DCAF10: variants seen among roughly 807,000 people sequenced by gnomAD.
DCAF10 encodes DDB1 and CUL4 associated factor 10.
Under a neutral mutation model 51.9 loss-of-function variants are expected in DCAF10, and 19 were observed. That is an observed-to-expected ratio of 0.37 (90% CI 0.26 to 0.54). DCAF10 has a LOEUF of 0.54. Among genes scored for constraint, DCAF10 ranks in the 20% least tolerant of loss-of-function variants. The pLI is 0.87. For synonymous variants in DCAF10, 291 were observed against 297.1 expected (o/e 0.98, Z 0.21); for missense variants, 510 against 730.6 (o/e 0.70, Z 3.48).
At chr9:37,822,808 T>A (rs1195865166) in intron 2 of DCAF10, among the ~76,000 whole-genome samples, 3 of 151,392 alleles carry the variant, frequency 2.0e-5, no homozygotes, top group African/African-American at 7.3e-5. Flanking sequence ...AAAATAAAAC[T>A]AAAAAAAAGT....
Position 37,865,621 on chromosome 9 carries a change from CTA to C in DCAF10, c.*4115_*4116del, listed in dbSNP as rs1388179638. On this transcript the variant is annotated 3_prime_UTR_variant, in exon 7 of 7. Transcript: ENST00000377724. Reference sequence around the variant, plus strand: ...GCAGAACAGTGCATTTATGGCAATGCTATGTTTAATGAGTTAGGGACATCAAA... The same window carrying C: ...GCAGAACAGTGCATTTATGGCAATGCTGTTTAATGAGTTAGGGACATCAAA... 1.2e-4 allele frequency: 19 copies of C among 152,138 alleles called. No individual in the cohort carries two copies. The highest frequency in any genetic ancestry group is 4.6e-4 in the African/African-American group (19 of 41,442). 9.4% of individuals were successfully genotyped at this position (152,138 alleles called of 1,614,324 possible).
intron 2 of DCAF10, among the ~76,000 whole-genome samples, chr9:37,833,152 CCTT>C (rs1830055732): frequency 6.6e-6 from 1 of 152,160 alleles, no homozygotes; most frequent in Non-Finnish European, 1.5e-5. Context: ...GCTGAAATGA[CCTT>C]CTTTTTGATT....
intron 2 of DCAF10, among the ~76,000 whole-genome samples, chr9:37,825,773 C>T (rs948236035): frequency 3.9e-5 from 6 of 152,092 alleles, no homozygotes; most frequent in Non-Finnish European, 8.8e-5. Context: ...AATCCCAGCA[C>T]TTTGGGAGGC....
At chr9:37,819,996 T>G (rs1829655134) in intron 2 of DCAF10, among the ~76,000 whole-genome samples, 1 of 152,042 alleles carries the variant, frequency 6.6e-6, no homozygotes, top group Admixed American at 6.6e-5. Context: ...ATTATACAAA[T>G]AGATGATACA....
At chr9:37,841,599 T>G (rs1252666280) in intron 2 of DCAF10, among the ~76,000 whole-genome samples, 1 of 152,216 alleles carries the variant, frequency 6.6e-6, no homozygotes, top group African/African-American at 2.4e-5. Flanking sequence ...ATGGCAATTT[T>G]ATAGCAATTT....
intron 1 of DCAF10, among the ~76,000 whole-genome samples, chr9:37,817,755 C>G (rs959798472): frequency 3.9e-5 from 6 of 152,034 alleles, no homozygotes; most frequent in Non-Finnish European, 8.8e-5. Flanking sequence ...AAAAGTCTCC[C>G]AGAATCATTG....
chr9:37,852,686 G>A (rs1028984342), intron 3 of DCAF10, among the ~76,000 whole-genome samples: 1 of 151,986 alleles, frequency 6.6e-6, no homozygotes, highest in Non-Finnish European at 1.5e-5. Flanking sequence ...CAAGGCGGTG[G>A]ATCACCAGAG....
At position 37,842,293 on chromosome 9, in the gene DCAF10, G is replaced by C; in HGVS notation, c.851+7G>C. On this transcript the variant is annotated splice_region_variant and intron_variant, in intron 3 of 6. Coordinates refer to ENST00000377724, the MANE Select transcript of DCAF10 (RefSeq NM_024345.5). ...TTATTTGGGACACTAACAGGTTTGT[G>C]AATAGGAGACCATGTTAGGATTATG... is the stretch of plus-strand genomic sequence containing the variant. 1 of 1,609,226 alleles carries C rather than the reference G, an allele frequency of 6.2e-7. No homozygotes were observed. Among genetic ancestry groups the C allele is most frequent in the Non-Finnish European group, 8.5e-7 (1 of 1,178,232 alleles).
At position 37,800,839 on chromosome 9, in the gene DCAF10, C is replaced by T; in HGVS notation, c.-28C>T. 1 of 1,486,590 alleles carries T rather than the reference C, an allele frequency of 6.7e-7. No homozygotes were observed. Among genetic ancestry groups the T allele is most frequent in the African/African-American group, 1.4e-5 (1 of 71,590 alleles). The allele number at this position is 1,486,590 out of a possible 1,614,324, so 92.1% of individuals were successfully genotyped here. On this transcript the variant is annotated 5_prime_UTR_variant, in exon 1 of 7. Transcript: ENST00000377724. ...GAGGTGTCGGCCGGCGGGGCAGTGG[C>T]CCGGAGCGGGGGGCGGGGGCGTTGA...
intron 5 of DCAF10, among the ~76,000 whole-genome samples, chr9:37,859,263 A>G (rs1441098963): frequency 6.6e-6 from 1 of 152,204 alleles, no homozygotes; most frequent in East Asian, 1.9e-4. Flanking sequence ...CCTTCAAAAT[A>G]ACTCCTTCCA....
chr9:37,832,423 A>G (rs7048590), intron 2 of DCAF10, among the ~76,000 whole-genome samples: 1 of 152,048 alleles, frequency 6.6e-6, no homozygotes, highest in Non-Finnish European at 1.5e-5. Flanking sequence ...ACGCCATTGC[A>G]TGCCAGCCTG....
chr9:37,861,450 G>GTCAGA lies in DCAF10; in HGVS notation c.1624_1628dup (p.Ala544ArgfsTer32). On this transcript the variant is annotated frameshift_variant, in exon 7 of 7. Transcript: ENST00000377724. LOFTEE classifies it high-confidence loss of function. This position sits in a 1 kb window ranked among gnomAD's most constrained non-coding sequence, Gnocchi z 4.9. ...ACAACAAAGTTCTCTCCAACACATTGTCAGATTGCCTCAGGGTGCCTTAGT... is the reference window on the plus strand; with the variant it reads ...ACAACAAAGTTCTCTCCAACACATTGTCAGATCAGATTGCCTCAGGGTGCCTTAGT... The GTCAGA allele has an allele frequency of 6.2e-7, 1 of 1,614,108 alleles. No homozygotes were observed.
intron 1 of DCAF10, among the ~76,000 whole-genome samples, chr9:37,814,955 A>G (rs933538233): frequency 6.6e-6 from 1 of 152,220 alleles, no homozygotes; most frequent in Non-Finnish European, 1.5e-5. Flanking sequence ...AAAGATAGAA[A>G]AATCATAAAC....
chr9:37,857,028 A>T (rs969945018), intron 4 of DCAF10, among the ~76,000 whole-genome samples: 2 of 152,210 alleles, frequency 1.3e-5, no homozygotes, highest in Non-Finnish European at 2.9e-5. Flanking sequence ...TTTTTATTTC[A>T]CATAGTCAAG....
At chr9:37,838,679 G>T (rs1830244474) in intron 2 of DCAF10, among the ~76,000 whole-genome samples, 1 of 151,980 alleles carries the variant, frequency 6.6e-6, no homozygotes, top group Non-Finnish European at 1.5e-5. Flanking sequence ...TCACCTGAGG[G>T]TCAGGAGTTT....
At chr9:37,836,385 G>A (rs1830165702) in intron 2 of DCAF10, 2 of 1,609,928 alleles carry the variant, frequency 1.2e-6, no homozygotes, top group Non-Finnish European at 1.7e-6. Flanking sequence ...AGAAAAAGAA[G>A]AAAGCAAGTC....
chr9:37,845,828 T>G (rs2118070299), intron 3 of DCAF10, among the ~76,000 whole-genome samples: 1 of 152,290 alleles, frequency 6.6e-6, no homozygotes, highest in East Asian at 1.9e-4. Context: ...TTAAATATTC[T>G]GAATATCACC....
Position 37,829,651 on chromosome 9 carries a change from T to A in DCAF10, c.653+10250T>A, listed in dbSNP as rs1829951278. On this transcript the variant is annotated intron_variant, in intron 2 of 6. Coordinates refer to ENST00000377724, the MANE Select transcript of DCAF10 (RefSeq NM_024345.5). This position sits in a 1 kb window ranked among gnomAD's most constrained non-coding sequence, Gnocchi z 4.2. ...ATATTACTGATGAAGTATAAATTTA[T>A]AACATTATTTTGAAGAGCAGTTGAG... Among the ~76,000 whole-genome samples the A allele has an allele frequency of 6.6e-6, 1 of 152,156 alleles. No homozygotes were observed. The highest frequency in any genetic ancestry group is 2.4e-5 in the African/African-American group (1 of 41,450).
chr9:37,826,669 G>A (rs1453766542), intron 2 of DCAF10, among the ~76,000 whole-genome samples: 1 of 152,076 alleles, frequency 6.6e-6, no homozygotes, highest in Non-Finnish European at 1.5e-5. Flanking sequence ...GGTGATGTTC[G>A]GCAATGGGAA....
Sources: allele counts gnomAD v4.1 joint callset (sites outside exome capture counted in the v4.1 genomes callset), GRCh38; gene constraint gnomAD v4.1.1; non-coding constraint Gnocchi (gnomAD v3.1); transcripts MANE v1.5; gene names NCBI Gene and HGNC (gene_info 2026-07-23, HGNC 2026-07-21).